UBASH3B: variants seen among roughly 807,000 people sequenced by gnomAD.
UBASH3B encodes ubiquitin associated and SH3 domain containing B.
UBASH3B carries 37 observed loss-of-function variants against 83.4 expected under a neutral mutation model. That is an observed-to-expected ratio of 0.44 (90% CI 0.34 to 0.58). The LOEUF (loss-of-function observed/expected upper bound fraction) is 0.58, where lower values mean the gene tolerates loss of function less well. UBASH3B is among the 20% of genes least tolerant of loss of function. The probability of loss-of-function intolerance (pLI) is 0.01; values close to 1 mark genes in which losing one functional copy is unlikely to be tolerated. For synonymous variants in UBASH3B, 304 were observed against 318.3 expected (o/e 0.96, Z 0.48); for missense variants, 657 against 827.2 (o/e 0.79, Z 2.52).
intron 1 of UBASH3B, among the ~76,000 whole-genome samples, chr11:122,733,213 C>T (rs1340648003): frequency 6.6e-6 from 1 of 152,160 alleles, no homozygotes; most frequent in South Asian, 2.1e-4. Context: ...GGAAGACTAA[C>T]CTTAGCAGCT....
chr11:122,671,227 G>A (rs1176288072), intron 1 of UBASH3B, among the ~76,000 whole-genome samples: 1 of 152,100 alleles, frequency 6.6e-6, no homozygotes, highest in Non-Finnish European at 1.5e-5. Flanking sequence ...CTGCTGCCTT[G>A]TCAAGAAAAA....
chr11:122,688,055 A>G (rs1330808424), intron 1 of UBASH3B, among the ~76,000 whole-genome samples: 2 of 152,024 alleles, frequency 1.3e-5, no homozygotes, highest in East Asian at 1.9e-4. Flanking sequence ...CCTTGGAGAA[A>G]GAACTGTTCA....
intron 1 of UBASH3B, among the ~76,000 whole-genome samples, chr11:122,669,104 T>C (rs939165730): frequency 2.0e-5 from 3 of 152,232 alleles, no homozygotes; most frequent in Non-Finnish European, 4.4e-5. Flanking sequence ...GCATGTGTAG[T>C]AGCTTCCTAT....
intron 1 of UBASH3B, among the ~76,000 whole-genome samples, chr11:122,685,740 G>A (rs1179595219): frequency 1.3e-5 from 2 of 152,090 alleles, no homozygotes; most frequent in Non-Finnish European, 2.9e-5. Flanking sequence ...AGCTGGTCTC[G>A]AACTCCTGAC....
chr11:122,735,990 A>C (rs951338435), intron 1 of UBASH3B, among the ~76,000 whole-genome samples: 2 of 152,188 alleles, frequency 1.3e-5, no homozygotes, highest in African/African-American at 2.4e-5. Flanking sequence ...AACTGATAGC[A>C]ATGTGGATGG....
intron 1 of UBASH3B, among the ~76,000 whole-genome samples, chr11:122,694,047 G>C (rs897059609): frequency 3.3e-5 from 5 of 152,176 alleles, no homozygotes; most frequent in Admixed American, 1.3e-4. Context: ...GGTGGTATCA[G>C]GTGGCCCATG....
chr11:122,762,080 C>A (rs1307226993), intron 1 of UBASH3B, among the ~76,000 whole-genome samples: 1 of 152,074 alleles, frequency 6.6e-6, no homozygotes. Flanking sequence ...GCGTGAGCCA[C>A]CGCGCCTGGC....
At chr11:122,728,663 T>C (rs942733872) in intron 1 of UBASH3B, among the ~76,000 whole-genome samples, 4 of 152,254 alleles carry the variant, frequency 2.6e-5, no homozygotes, top group Non-Finnish European at 5.9e-5. Context: ...TTGGATTGGG[T>C]ACCCCATTCA....
rs1540109 is a variant in UBASH3B, at chr11:122,810,546, T to G, written c.*660T>G. The G allele has an allele frequency of 2.0e-4, 28 of 138,772 alleles. No individual in the cohort carries two copies. The highest frequency in any genetic ancestry group is 7.4e-4 in the African/African-American group (24 of 32,466). The allele number at this position is 138,772 out of a possible 1,614,324, so 8.6% of individuals were successfully genotyped here. On this transcript the variant is annotated 3_prime_UTR_variant, in exon 14 of 14. Transcript: ENST00000284273. ...CTTCTTGCTACAGCCCTATCCCCCC[T>G]CCTTGCTTCTGTGAAATGGGGAGAC... is the stretch of plus-strand genomic sequence containing the variant.
rs1218180505 is a variant in UBASH3B, at chr11:122,759,805, C to A, written c.162-16414C>A. Reference sequence around the variant, plus strand: ...GCCTGCTGTGCAGCCTGGCTCCTAACAGGCCACGTACCAGTACCCATCTGT... The same window carrying A: ...GCCTGCTGTGCAGCCTGGCTCCTAAAAGGCCACGTACCAGTACCCATCTGT... On this transcript the variant is annotated intron_variant, in intron 1 of 13. Coordinates refer to ENST00000284273, the MANE Select transcript of UBASH3B (RefSeq NM_032873.5). The surrounding 1 kb of genome is among the most constrained non-coding windows in gnomAD (Gnocchi z 4.1). Among the ~76,000 whole-genome samples the A allele has an allele frequency of 2.0e-5, 3 of 152,246 alleles. No individual in the cohort carries two copies. The highest frequency in any genetic ancestry group is 7.2e-5 in the African/African-American group (3 of 41,456).
intron 1 of UBASH3B, among the ~76,000 whole-genome samples, chr11:122,719,143 A>G (rs1403194941): frequency 2.0e-5 from 3 of 152,216 alleles, no homozygotes; most frequent in Non-Finnish European, 4.4e-5. Flanking sequence ...TACACTGCCA[A>G]TTTACAGATG....
At chr11:122,688,073 T>G (rs1863830774) in intron 1 of UBASH3B, among the ~76,000 whole-genome samples, 1 of 152,118 alleles carries the variant, frequency 6.6e-6, no homozygotes, top group Non-Finnish European at 1.5e-5. Context: ...TCAACTGCCT[T>G]GGTTTCCCAC....
chr11:122,803,504 T>C (rs912122569), intron 11 of UBASH3B, among the ~76,000 whole-genome samples: 2 of 151,966 alleles, frequency 1.3e-5, no homozygotes, highest in African/African-American at 4.8e-5. Context: ...GTGACTAATA[T>C]TGAAGCATCA....
At position 122,769,426 on chromosome 11, in the gene UBASH3B, A is replaced by G. The variant is rs59461597; in HGVS notation, c.162-6793A>G. Among the ~76,000 whole-genome samples, 175 of 152,336 alleles carry G rather than the reference A, an allele frequency of 1.1e-3. 3 individuals are homozygous for G. The East Asian group carries it at 0.028, about 25-fold the overall frequency. On this transcript the variant is annotated intron_variant, in intron 1 of 13. Coordinates refer to ENST00000284273, the MANE Select transcript of UBASH3B (RefSeq NM_032873.5). ...GTGGGGTCAAGCAATGCCATGCCAT[A>G]AAGGTTTAAAGTCTGAAGTGCCTGG...
At chr11:122,733,883 C>CT (rs985060084) in intron 1 of UBASH3B, among the ~76,000 whole-genome samples, 8 of 151,418 alleles carry the variant, frequency 5.3e-5, no homozygotes, top group African/African-American at 1.2e-4. Context: ...TGTCTCCTCT[C>CT]TTTTTTTTTG....
chr11:122,764,900 A>G (rs1027295772), intron 1 of UBASH3B, among the ~76,000 whole-genome samples: 2 of 152,070 alleles, frequency 1.3e-5, no homozygotes, highest in African/African-American at 4.8e-5. Context: ...AGAAAAAGGA[A>G]GCATGCTGAT....
In UBASH3B at chr11:122,778,206, TTCTC is replaced by T. The variant is rs369604009; in HGVS notation, c.402+1002_402+1005del. The stretch of plus-strand genomic sequence containing the variant: ...TATTTTGCTTTCTTCCCCAGATATA[TTCTC>T]TCTCTTTTTCTCTCTCTCAGGTAAT... On this transcript the variant is annotated intron_variant, in intron 3 of 13. Coordinates refer to ENST00000284273, the MANE Select transcript of UBASH3B (RefSeq NM_032873.5). Among the ~76,000 whole-genome samples, 86 of 152,318 alleles carry T rather than the reference TTCTC, an allele frequency of 5.6e-4. 1 individual carries two copies. The South Asian group carries it at 0.01, about 18-fold the overall frequency.
chr11:122,775,013 A>C (rs542143590), intron 1 of UBASH3B, among the ~76,000 whole-genome samples: 1 of 152,298 alleles, frequency 6.6e-6, no homozygotes, highest in Non-Finnish European at 1.5e-5. Flanking sequence ...GGCACTTAAC[A>C]TCAATGTAAT....
intron 1 of UBASH3B, among the ~76,000 whole-genome samples, chr11:122,670,220 G>A (rs912234361): frequency 6.6e-6 from 1 of 151,950 alleles, no homozygotes; most frequent in African/African-American, 2.4e-5. Context: ...GCCCATCTCA[G>A]CTCCCAACTG....
Sources: allele counts gnomAD v4.1 joint callset (sites outside exome capture counted in the v4.1 genomes callset), GRCh38; gene constraint gnomAD v4.1.1; non-coding constraint Gnocchi (gnomAD v3.1); transcripts MANE v1.5; gene names NCBI Gene and HGNC (gene_info 2026-07-23, HGNC 2026-07-21).